Variants in SPATA16 observed in about 807,000 individuals in gnomAD.
SPATA16 encodes spermatogenesis-associated protein 16.
SPATA16 carries 36 observed loss-of-function variants against 63.3 expected under a neutral mutation model. That is an observed-to-expected ratio of 0.57 (90% CI 0.44 to 0.75). The LOEUF is 0.75. Among genes scored for constraint, SPATA16 ranks in the 30% least tolerant of loss-of-function variants. The probability of loss-of-function intolerance (pLI) is 0.00; values close to 1 mark genes in which losing one functional copy is unlikely to be tolerated. For synonymous variants in SPATA16, 203 were observed against 216.7 expected (o/e 0.94, Z 0.56); for missense variants, 646 against 679.3 (o/e 0.95, Z 0.54).
intron 1 of SPATA16, among the ~76,000 whole-genome samples, chr3:173,138,823 C>T (rs1174974057): frequency 1.3e-5 from 2 of 152,142 alleles, no homozygotes; most frequent in African/African-American, 4.8e-5. Flanking sequence ...TTCAAAGTTG[C>T]CTAAATCGTG....
intron 6 of SPATA16, among the ~76,000 whole-genome samples, chr3:172,940,021 A>G (rs1266547407): frequency 6.6e-6 from 1 of 152,186 alleles, no homozygotes; most frequent in Non-Finnish European, 1.5e-5. Flanking sequence ...GGGTTTGGAG[A>G]CCTACCAGGT....
At chr3:173,021,680 G>A (rs977387245) in intron 3 of SPATA16, among the ~76,000 whole-genome samples, 1 of 151,766 alleles carries the variant, frequency 6.6e-6, no homozygotes, top group African/African-American at 2.4e-5. Context: ...TTCTGATTCT[G>A]ACAACTTTCT....
intron 2 of SPATA16, among the ~76,000 whole-genome samples, chr3:173,060,412 A>T (rs1030910307): frequency 8.5e-5 from 13 of 152,144 alleles, no homozygotes; most frequent in Non-Finnish European, 1.8e-4. Flanking sequence ...AATTAGAGGA[A>T]AAATGAAAAT....
At chr3:173,126,111 G>A (rs1439519927) in intron 1 of SPATA16, among the ~76,000 whole-genome samples, 2 of 150,310 alleles carry the variant, frequency 1.3e-5, no homozygotes, top group African/African-American at 4.8e-5. Context: ...GCCTACCCCG[G>A]TCTTTTTTAT....
chr3:173,123,107 G>A (rs568967934), intron 1 of SPATA16, among the ~76,000 whole-genome samples: 3 of 152,274 alleles, frequency 2.0e-5, no homozygotes, highest in Non-Finnish European at 2.9e-5. Flanking sequence ...GTTATTATTA[G>A]AAGGTAGAGG....
intron 2 of SPATA16, among the ~76,000 whole-genome samples, chr3:173,102,380 A>G (rs1219546901): frequency 1.3e-5 from 2 of 152,224 alleles, no homozygotes; most frequent in African/African-American, 4.8e-5. Context: ...AAGACATTTA[A>G]TTGGCTTATG....
At chr3:173,070,455 G>A (rs1378848322) in intron 2 of SPATA16, among the ~76,000 whole-genome samples, 1 of 147,968 alleles carries the variant, frequency 6.8e-6, no homozygotes, top group East Asian at 2.0e-4. Context: ...AGTACTAGAA[G>A]CCCTAGTCAG....
At chr3:173,011,658 A>C (rs1424463860) in intron 4 of SPATA16, among the ~76,000 whole-genome samples, 1 of 152,252 alleles carries the variant, frequency 6.6e-6, no homozygotes, top group Non-Finnish European at 1.5e-5. Context: ...AAAAAAAAGA[A>C]GTCAGATTAT....
intron 2 of SPATA16, among the ~76,000 whole-genome samples, chr3:173,090,895 A>C (rs902460556): frequency 6.6e-6 from 1 of 152,228 alleles, no homozygotes; most frequent in Non-Finnish European, 1.5e-5. Flanking sequence ...CTACACATGT[A>C]GAGTATAAAT....
chr3:173,018,656 C>A (rs1735251472), intron 4 of SPATA16, among the ~76,000 whole-genome samples: 1 of 152,118 alleles, frequency 6.6e-6, no homozygotes, highest in Non-Finnish European at 1.5e-5. Flanking sequence ...AGACAGTAGT[C>A]ACCTGCAACC....
At chr3:172,977,106 G>A (rs1248333245) in intron 4 of SPATA16, 54 bp from the exon 5 acceptor site, 13 of 1,443,284 alleles carry the variant, frequency 9.0e-6, no homozygotes, top group Non-Finnish European at 1.1e-5. Context: ...TAGGACAGAA[G>A]GAAAACCATA....
At position 173,009,074 on chromosome 3, in the gene SPATA16, T is replaced by C. The variant is rs185102819; in HGVS notation, c.848+10412A>G. On this transcript the variant is annotated intron_variant, in intron 4 of 10. Transcript: ENST00000351008. ...ATTTCATAGATAAGACCACTTCAGCTTTCTTAAGATGATTCTGCACTTTAA... is the reference window on the plus strand; with the variant it reads ...ATTTCATAGATAAGACCACTTCAGCCTTCTTAAGATGATTCTGCACTTTAA... Among the ~76,000 whole-genome samples the C allele has an allele frequency of 4.4e-3, 672 of 152,328 alleles. 7 individuals carry two copies. The highest frequency in any genetic ancestry group is 0.016 in the African/African-American group (652 of 41,568).
At chr3:172,927,492 T>A (rs1420939006) in intron 6 of SPATA16, among the ~76,000 whole-genome samples, 1 of 152,224 alleles carries the variant, frequency 6.6e-6, no homozygotes, top group African/African-American at 2.4e-5. Context: ...GGTCACCCCT[T>A]ACTGTTAGTG....
At chr3:172,938,423 A>C (rs1330013578) in intron 6 of SPATA16, among the ~76,000 whole-genome samples, 1 of 152,210 alleles carries the variant, frequency 6.6e-6, no homozygotes, top group African/African-American at 2.4e-5. Context: ...AAGAAATGGG[A>C]TAAATAGATG....
intron 5 of SPATA16, among the ~76,000 whole-genome samples, chr3:172,973,673 G>T (rs1734093582): frequency 6.6e-6 from 1 of 152,190 alleles, no homozygotes; most frequent in Non-Finnish European, 1.5e-5. Context: ...CCTGGATGTA[G>T]TAAGGAGCAG....
chr3:173,006,771 G>T (rs556090793), intron 4 of SPATA16, among the ~76,000 whole-genome samples: 3 of 151,898 alleles, frequency 2.0e-5, no homozygotes, highest in Admixed American at 6.6e-5. Context: ...TTTATTTTTG[G>T]ATCACTCTTT....
chr3:172,971,699 G>T (rs967070142), intron 5 of SPATA16, among the ~76,000 whole-genome samples: 13 of 152,092 alleles, frequency 8.5e-5, no homozygotes, highest in Non-Finnish European at 1.8e-4. Flanking sequence ...AATAATAAAG[G>T]TATCCACTAA....
At chr3:172,936,658 G>T (rs527426460) in intron 6 of SPATA16, among the ~76,000 whole-genome samples, 31 of 152,040 alleles carry the variant, frequency 2.0e-4, no homozygotes, top group African/African-American at 5.6e-4. Context: ...TAGTTGCTTG[G>T]TCAGAAGTAT....
rs578227349 is a variant in SPATA16 at position 172,980,000 on chromosome 3, C to G, written c.849-2948G>C. 2.1e-4 allele frequency among the ~76,000 whole-genome samples: 32 copies of G among 152,284 alleles called. No individual in the cohort carries two copies. The South Asian group carries it at 6.2e-3, about 30-fold the overall frequency. On this transcript the variant is annotated intron_variant, in intron 4 of 10. Transcript: ENST00000351008. Reference sequence around the variant, plus strand: ...CAATTCAGATTGTAGTTGCTCCAAGCCCCTTTTTCTTCCCAGTGGAAATGG... The same window carrying G: ...CAATTCAGATTGTAGTTGCTCCAAGGCCCTTTTTCTTCCCAGTGGAAATGG...
Sources: allele counts gnomAD v4.1 joint callset (sites outside exome capture counted in the v4.1 genomes callset), GRCh38; gene constraint gnomAD v4.1.1; transcripts MANE v1.5; gene names NCBI Gene and HGNC (gene_info 2026-07-23, HGNC 2026-07-21).